OSBPL6: variants seen among roughly 807,000 people sequenced by gnomAD.
OSBPL6 encodes the protein oxysterol-binding protein-related protein 6.
Under a neutral mutation model 125.8 loss-of-function variants are expected in OSBPL6, and 49 were observed. The ratio of observed to expected loss-of-function variants is 0.39; its 90% confidence interval spans 0.31 to 0.49. OSBPL6 has a LOEUF of 0.49. OSBPL6 is among the 20% of genes least tolerant of loss of function. The pLI is 0.88. For missense variants in OSBPL6, 986 were observed against 1,135.4 expected (o/e 0.87, Z 1.89); for synonymous variants, 394 against 391.8 (o/e 1.01, Z -0.07).
rs71023433 is a variant in OSBPL6, at chr2:178,231,638, ATTTTTTTT to A, written c.-351+36983_-351+36990del. ...TCCTGACCACCACCAGGGTGGTCCC[ATTTTTTTT>A]TTTTTTTTTTTTTTTTTTGAGACAG... is the stretch of plus-strand genomic sequence containing the variant. On this transcript the variant is annotated intron_variant, in intron 1 of 24. Transcript: ENST00000190611. 1.0e-3 allele frequency among the ~76,000 whole-genome samples: 85 copies of A among 84,570 alleles called. 2 individuals are homozygous for A. The South Asian group carries it at 0.018, about 18-fold the overall frequency. The allele number at this position is 84,570 out of a possible 152,430, so 55.5% of individuals were successfully genotyped here.
At chr2:178,201,638 T>C (rs1245150271) in intron 1 of OSBPL6, among the ~76,000 whole-genome samples, 1 of 152,186 alleles carries the variant, frequency 6.6e-6, no homozygotes, top group Non-Finnish European at 1.5e-5. Flanking sequence ...AGAAGTAATT[T>C]TGTAGATGAG....
intron 11 of OSBPL6, among the ~76,000 whole-genome samples, chr2:178,346,877 A>T (rs1465051266): frequency 6.6e-6 from 1 of 152,220 alleles, no homozygotes. Context: ...TAACAAAAAA[A>T]AGTATACCAA....
At chr2:178,209,439 C>CTTTTTTTTT (rs71850875) in intron 1 of OSBPL6, among the ~76,000 whole-genome samples, 3 of 95,740 alleles carry the variant, frequency 3.1e-5, no homozygotes, top group East Asian at 3.1e-4. Context: ...TTCTTTCTTT[C>CTTTTTTTTT]TTTTTTTTTT....
In OSBPL6 at chr2:178,382,597, C is replaced by T. The variant is rs151222746; in HGVS notation, c.1621+90C>T. 5.3e-4 allele frequency: 831 copies of T among 1,566,552 alleles called. 12 individuals carry two copies. The East Asian group carries it at 0.017, about 32-fold the overall frequency. ...TGAACAGGCATTCCCCCTCCCACGC[C>T]ACCCCCACCCCTGCTAATTGTTCTT... On this transcript the variant is annotated intron_variant, in intron 16 of 24. Transcript: ENST00000190611.
In OSBPL6 at chr2:178,391,174, C is replaced by G; in HGVS notation, c.2403C>G (p.Leu801=). 1.2e-6 allele frequency: 2 copies of G among 1,613,442 alleles called. No individual in the cohort carries two copies. Among genetic ancestry groups the G allele is most frequent in the Non-Finnish European group, 1.7e-6 (2 of 1,179,752 alleles). The change falls in exon 22 of 25, where the codon CTC becomes CTG. Residue 801 remains leucine (L), a synonymous_variant. Coordinates refer to ENST00000190611, the MANE Select transcript of OSBPL6 (RefSeq NM_032523.4). ...YRLFGKWHEG[L]YCGVAPSAKC... is the part of the protein sequence containing the mutation. Reference sequence around the variant, plus strand: ...TGTTTGGAAAGTGGCATGAAGGACTCTACTGTGGTGTGGCCCCCTCTGCAA... The same window carrying G: ...TGTTTGGAAAGTGGCATGAAGGACTGTACTGTGGTGTGGCCCCCTCTGCAA...
chr2:178,252,713 ATCCTT>A (rs2091740803), intron 1 of OSBPL6, among the ~76,000 whole-genome samples: 1 of 152,140 alleles, frequency 6.6e-6, no homozygotes, highest in Non-Finnish European at 1.5e-5. Flanking sequence ...ATAGATGTAA[ATCCTT>A]ACAATTAATG....
At chr2:178,336,765 C>T (rs1303692728) in intron 9 of OSBPL6, among the ~76,000 whole-genome samples, 1 of 152,090 alleles carries the variant, frequency 6.6e-6, no homozygotes. Context: ...CTGGGGCAGT[C>T]ACACAGAGGA....
chr2:178,252,628 A>T (rs1670013100), intron 1 of OSBPL6, among the ~76,000 whole-genome samples: 1 of 152,176 alleles, frequency 6.6e-6, no homozygotes, highest in Non-Finnish European at 1.5e-5. Context: ...ATTGTATCAG[A>T]TGCTGATCTA....
chr2:178,343,337 T>C (rs1188065918), intron 11 of OSBPL6, among the ~76,000 whole-genome samples: 1 of 151,872 alleles, frequency 6.6e-6, no homozygotes, highest in Non-Finnish European at 1.5e-5. Context: ...CAATGAGCTA[T>C]GATCGTGCCA....
Position 178,384,156 on chromosome 2 carries a change from T to G in OSBPL6, c.1993T>G (p.Phe665Val), listed in dbSNP as rs375376078. 6.2e-7 allele frequency: 1 copy of G among 1,613,946 alleles called. No homozygotes were observed. Among genetic ancestry groups the G allele is most frequent in the African/African-American group, 1.3e-5 (1 of 75,042 alleles). ...TYECIREDKG[F>V]RFFSEQVSHH... ...TGAATGCATTAGAGAAGACAAGGGATTCCGCTTTTTCTCAGAACAGGTAAG... is the reference window on the plus strand; with the variant it reads ...TGAATGCATTAGAGAAGACAAGGGAGTCCGCTTTTTCTCAGAACAGGTAAG... The change falls in exon 18 of 25, where the codon TTC (phenylalanine) becomes GTC (valine). Residue 665 changes from phenylalanine (F) to valine (V), a missense_variant. Physicochemically the swap from Phe to Val is conservative, Grantham distance 50. Transcript: ENST00000190611.
At chr2:178,275,772 G>A (rs552722422) in intron 1 of OSBPL6, among the ~76,000 whole-genome samples, 38 of 152,190 alleles carry the variant, frequency 2.5e-4, no homozygotes, top group African/African-American at 8.4e-4. Flanking sequence ...AGCTGACTTG[G>A]GGAGAAGAGA....
intron 11 of OSBPL6, among the ~76,000 whole-genome samples, chr2:178,341,708 A>G (rs1690214388): frequency 6.6e-6 from 1 of 152,178 alleles, no homozygotes; most frequent in South Asian, 2.1e-4. Flanking sequence ...AAACAAATAG[A>G]CAGTAAGCTG....
chr2:178,261,137 A>G (rs2092045564), intron 1 of OSBPL6, among the ~76,000 whole-genome samples: 1 of 152,140 alleles, frequency 6.6e-6, no homozygotes, highest in South Asian at 2.1e-4. Context: ...ATCTCAAAAC[A>G]AAACAATACA....
At position 178,239,395 on chromosome 2, in the gene OSBPL6, A is replaced by G. The variant is rs369499276; in HGVS notation, c.-351+44721A>G. ...GGCAATATAGTCAGACCTCATCTCT[A>G]CAAAAAATTTAAGGATTAGCCGGGT... On this transcript the variant is annotated intron_variant, in intron 1 of 24. Transcript: ENST00000190611. 5.8e-4 allele frequency among the ~76,000 whole-genome samples: 88 copies of G among 152,126 alleles called. 2 individuals are homozygous for G. In the South Asian group the frequency reaches 0.01, roughly 18 times the overall value.
At position 178,333,014 on chromosome 2, in the gene OSBPL6, T is replaced by A. The variant is rs1689361395; in HGVS notation, c.630T>A (p.Ala210=). 6.2e-7 allele frequency: 1 copy of A among 1,614,128 alleles called. No homozygotes were observed. The highest frequency in any genetic ancestry group is 8.5e-7 in the Non-Finnish European group (1 of 1,180,010). Residue 210 remains alanine, a synonymous_variant, in exon 8 of 25, where the codon GCT becomes GCA. Coordinates refer to ENST00000190611, the MANE Select transcript of OSBPL6 (RefSeq NM_032523.4). ...CGTCCACAGCTGAATCCTCACCAGC[T>A]GCTAATGTTTCTGTAATGGATGGAA... ...PSTSTAESSP[A]ANVSVMDGKM...
In OSBPL6 at chr2:178,382,526, T is replaced by G. The variant is rs745949083; in HGVS notation, c.1621+19T>G. On this transcript the variant is annotated intron_variant, in intron 16 of 24. Transcript: ENST00000190611. ...CGGCAAAGTATGCATCATTTGAGCT[T>G]CCAGGTTGTTCTATCTACATGCCAA... is the stretch of plus-strand genomic sequence containing the variant. The G allele has an allele frequency of 6.2e-7, 1 of 1,614,016 alleles. No homozygotes were observed. Among genetic ancestry groups the G allele is most frequent in the South Asian group, 1.1e-5 (1 of 91,060 alleles).
chr2:178,215,342 C>T (rs2090049338), intron 1 of OSBPL6, among the ~76,000 whole-genome samples: 1 of 152,006 alleles, frequency 6.6e-6, no homozygotes, highest in African/African-American at 2.4e-5. Context: ...AAAAATTGGC[C>T]CTTTTATGTG....
At chr2:178,201,687 G>C (rs1375254620) in intron 1 of OSBPL6, among the ~76,000 whole-genome samples, 1 of 152,230 alleles carries the variant, frequency 6.6e-6, no homozygotes, top group Non-Finnish European at 1.5e-5. Context: ...CCGAGCCAGT[G>C]CCAGACTTGT....
rs111748219 is a variant in OSBPL6, at chr2:178,313,485, T to G, written c.102+7199T>G. On this transcript the variant is annotated intron_variant, in intron 3 of 24. Transcript: ENST00000190611. ...CTTGTAAATCCTTAAATGAGTCAAT[T>G]TTTTTGTTCAATGAAAAATCAAAGA... is the stretch of plus-strand genomic sequence containing the variant. Among the ~76,000 whole-genome samples the G allele has an allele frequency of 2.7e-3, 416 of 152,254 alleles. 4 individuals carry two copies. Among genetic ancestry groups the G allele is most frequent in the African/African-American group, 9.5e-3 (395 of 41,554 alleles).
Sources: gnomAD v4.1 joint callset for allele counts (sites outside exome capture counted in the v4.1 genomes callset) on GRCh38, gnomAD v4.1.1 for gene constraint, MANE v1.5 for transcripts, NCBI Gene and HGNC (gene_info 2026-07-23, HGNC 2026-07-21) for gene names.